Variants in ITGBL1 observed in about 807,000 individuals in gnomAD.
ITGBL1 encodes the protein integrin subunit beta like 1, also known as integrin beta-like protein 1.
Under a neutral mutation model 68.5 loss-of-function variants are expected in ITGBL1, and 51 were observed. The observed-to-expected ratio is 0.74, with a 90% CI of 0.59 to 0.94. The LOEUF (loss-of-function observed/expected upper bound fraction) is 0.94, where lower values mean the gene tolerates loss of function less well. Ranked by LOEUF, ITGBL1 falls within the 40% of genes least tolerant of loss-of-function variation. The probability of loss-of-function intolerance (pLI) is 0.00; values close to 1 mark genes in which losing one functional copy is unlikely to be tolerated. For synonymous variants in ITGBL1, 209 were observed against 227.3 expected, an observed-to-expected ratio of 0.92 and a Z score of 0.72; for missense variants, 649 against 647.4, an observed-to-expected ratio of 1.00 and a Z score of -0.03.
intron 2 of ITGBL1, among the ~76,000 whole-genome samples, chr13:101,534,090 C>T (rs1373183618): frequency 6.6e-6 from 1 of 152,136 alleles, no homozygotes; most frequent in African/African-American, 2.4e-5. Context: ...GCATCATAAT[C>T]AGCACAGTCT....
At chr13:101,707,274 A>C (rs1000347911) in intron 9 of ITGBL1, among the ~76,000 whole-genome samples, 1 of 152,200 alleles carries the variant, frequency 6.6e-6, no homozygotes, top group African/African-American at 2.4e-5. Context: ...GCTCAGAACT[A>C]CAGAAAAGTA....
chr13:101,507,807 G>C (rs868601569), intron 2 of ITGBL1, among the ~76,000 whole-genome samples: 1 of 152,176 alleles, frequency 6.6e-6, no homozygotes, highest in Middle Eastern at 3.2e-3. Flanking sequence ...TTTCAAGATA[G>C]CTTTTGGAAA....
At chr13:101,555,052 G>A (rs947302322) in intron 2 of ITGBL1, among the ~76,000 whole-genome samples, 10 of 152,046 alleles carry the variant, frequency 6.6e-5, no homozygotes, top group African/African-American at 2.4e-4. Context: ...CTTATAGAAA[G>A]ACTGTTTCTG....
chr13:101,605,895 C>T (rs1393765118), intron 7 of ITGBL1, among the ~76,000 whole-genome samples: 2 of 145,946 alleles, frequency 1.4e-5, no homozygotes, highest in East Asian at 2.0e-4. Flanking sequence ...GACATGTATG[C>T]GTGCATGTGT....
intron 2 of ITGBL1, among the ~76,000 whole-genome samples, chr13:101,464,830 C>A (rs970025295): frequency 6.6e-6 from 1 of 152,124 alleles, no homozygotes; most frequent in African/African-American, 2.4e-5. Flanking sequence ...GACATACATG[C>A]GTAAGCCCTT....
At chr13:101,685,963 T>C (rs564929861) in intron 7 of ITGBL1, among the ~76,000 whole-genome samples, 2 of 152,092 alleles carry the variant, frequency 1.3e-5, no homozygotes, top group Non-Finnish European at 2.9e-5. Context: ...GTACAGAGAA[T>C]TGGCCACTGG....
intron 3 of ITGBL1, among the ~76,000 whole-genome samples, chr13:101,571,512 T>C (rs535764819): frequency 6.6e-6 from 1 of 152,268 alleles, no homozygotes; most frequent in Non-Finnish European, 1.5e-5. Flanking sequence ...TATTAATATA[T>C]TTTATAATGT....
intron 2 of ITGBL1, among the ~76,000 whole-genome samples, chr13:101,502,672 T>G (rs1277380800): frequency 1.3e-5 from 2 of 152,202 alleles, no homozygotes; most frequent in African/African-American, 4.8e-5. Flanking sequence ...ATTTAATGCC[T>G]TGTTTGGCAA....
intron 3 of ITGBL1, among the ~76,000 whole-genome samples, chr13:101,572,873 TCATATTATATATGAGAGGCC>T (rs1323469446): frequency 6.6e-6 from 1 of 152,092 alleles, no homozygotes; most frequent in Non-Finnish European, 1.5e-5. Flanking sequence ...CTTCCTGCTC[TCATATTATATATGAGAGGCC>T]CATATTATAT....
At chr13:101,639,545 A>C (rs1324879663) in intron 7 of ITGBL1, among the ~76,000 whole-genome samples, 1 of 152,208 alleles carries the variant, frequency 6.6e-6, no homozygotes, top group Non-Finnish European at 1.5e-5. Context: ...TTTACTTTTA[A>C]GATTTATTCT....
Position 101,454,029 on chromosome 13 carries a change from G to T in ITGBL1, c.245G>T (p.Gly82Val). The change falls in exon 2 of 11, where the codon GGC becomes GTC. Residue 82 changes from glycine (G) to valine (V), a missense_variant. Gly to Val is a moderately radical substitution (Grantham distance 109, BLOSUM62 -3). Transcript: ENST00000376180. ...GVCICHVTEP[G>V]MFFGPLCECH... ...TGCATCTGCCACGTGACTGAGCCGG[G>T]CATGTTCTTCGGGCCCCTGTGTGAG... 1 of 1,589,478 alleles carries T rather than the reference G, an allele frequency of 6.3e-7. No individual in the cohort carries two copies. The highest frequency in any genetic ancestry group is 8.6e-7 in the Non-Finnish European group (1 of 1,168,448).
At chr13:101,696,667 G>T (rs1441288536) in intron 8 of ITGBL1, among the ~76,000 whole-genome samples, 1 of 152,112 alleles carries the variant, frequency 6.6e-6, no homozygotes, top group Admixed American at 6.6e-5. Context: ...CTGCATCGTA[G>T]TGTGATGAAG....
At chr13:101,634,401 G>A (rs539522642) in intron 7 of ITGBL1, among the ~76,000 whole-genome samples, 3 of 152,248 alleles carry the variant, frequency 2.0e-5, no homozygotes, top group Non-Finnish European at 4.4e-5. Flanking sequence ...GGCAGAAAAT[G>A]AAAGCTTCAT....
intron 7 of ITGBL1, among the ~76,000 whole-genome samples, chr13:101,681,685 G>A (rs17585669): frequency 0.19 from 28,625 of 152,092 alleles, 3,468 homozygotes; most frequent in Admixed American, 0.28. Context: ...AGATGTCAAA[G>A]TCTAAGGCTT....
chr13:101,720,596 T>A (rs982606555), downstream of ITGBL1: 3 of 151,460 alleles, frequency 2.0e-5, no homozygotes, highest in Non-Finnish European at 1.5e-5. Context: ...AGTGAAGTGT[T>A]GCTGCTGTAA....
At chr13:101,684,351 G>C (rs1201419070) in intron 7 of ITGBL1, among the ~76,000 whole-genome samples, 1 of 151,742 alleles carries the variant, frequency 6.6e-6, no homozygotes, top group Non-Finnish European at 1.5e-5. Flanking sequence ...TTCCATTTCT[G>C]TATAAATGTC....
chr13:101,605,954 A>G (rs531783653), intron 7 of ITGBL1, among the ~76,000 whole-genome samples: 75 of 148,260 alleles, frequency 5.1e-4, no homozygotes, highest in Non-Finnish European at 9.9e-4. Context: ...GTATATATAC[A>G]CATATACACA....
chr13:101,604,887 T>TATATACACATACATAC, intron 7 of ITGBL1, among the ~76,000 whole-genome samples: 2 of 22,164 alleles, frequency 9.0e-5, no homozygotes, highest in African/African-American at 3.0e-4. Context: ...TATATATATA[T>TATATACACATACATAC]ACACACACAC....
At chr13:101,478,656 AAATC>A (rs994723148) in intron 2 of ITGBL1, among the ~76,000 whole-genome samples, 2 of 152,144 alleles carry the variant, frequency 1.3e-5, no homozygotes, top group Non-Finnish European at 2.9e-5. Context: ...CAAAATATAA[AAATC>A]AATAGCACTT....
Sources: gnomAD v4.1 joint callset for allele counts (sites outside exome capture counted in the v4.1 genomes callset) on GRCh38, gnomAD v4.1.1 for gene constraint, MANE v1.5 for transcripts, NCBI Gene and HGNC (gene_info 2026-07-23, HGNC 2026-07-21) for gene names.